COQ8A: variants seen among roughly 807,000 people sequenced by gnomAD.
The protein encoded by COQ8A is coenzyme Q8A.
Under a neutral mutation model 65.0 loss-of-function variants are expected in COQ8A, and 51 were observed. The ratio of observed to expected loss-of-function variants is 0.78; its 90% CI spans 0.63 to 0.99. COQ8A has a LOEUF of 0.99. COQ8A is among the 50% of genes least tolerant of loss of function. The pLI is 0.00. For missense variants in COQ8A, 940 were observed against 875.0 expected, an observed-to-expected ratio of 1.07 and a Z score of -0.94; for synonymous variants, 371 against 353.2, an observed-to-expected ratio of 1.05 and a Z score of -0.57.
rs771129469 is a variant in COQ8A at position 226,983,610 on chromosome 1, A to G, written c.1139A>G (p.Asn380Ser). The G allele has an allele frequency of 3.1e-6, 5 of 1,613,998 alleles. No homozygotes were observed. Among genetic ancestry groups the G allele is most frequent in the Non-Finnish European group, 4.2e-6 (5 of 1,180,010 alleles). The change falls in exon 9 of 15, where the codon AAC (asparagine) becomes AGC (serine). Residue 380 changes from asparagine to serine, a missense_variant. By Grantham distance (46) the Asn-to-Ser change is conservative. Transcript: ENST00000366777. ...GTCAACAACCTCATGGCCGTGTTGA[A>G]CATGAGCAACATGCTTCCAGAAGGT... is the stretch of plus-strand genomic sequence containing the variant. Reference protein sequence around the residue: ...SDVNNLMAVLNMSNMLPEGLF... With the variant: ...SDVNNLMAVLSMSNMLPEGLF...
intron 4 of COQ8A, 66 bp from the exon 5 acceptor site, chr1:226,977,383 T>C: frequency 1.3e-6 from 2 of 1,484,598 alleles, no homozygotes; most frequent in Non-Finnish European, 1.8e-6. Context: ...CCAGGCCTTG[T>C]GGGTGGGCGA....
intron 11 of COQ8A, 148 bp downstream of exon 11, chr1:226,984,383 G>A: frequency 7.4e-7 from 1 of 1,353,018 alleles, no homozygotes. Flanking sequence ...GACTTAGGGG[G>A]ACACAGGGGA....
chr1:226,967,465 C>T (rs1658637084), intron 4 of COQ8A, among the ~76,000 whole-genome samples: 1 of 152,140 alleles, frequency 6.6e-6, no homozygotes, highest in African/African-American at 2.4e-5. Context: ...AGCGGTAGAG[C>T]TAATGCAGGC....
intron 2 of COQ8A, among the ~76,000 whole-genome samples, chr1:226,963,989 G>T (rs1658406848): frequency 6.6e-6 from 1 of 152,170 alleles, no homozygotes. Context: ...GTCATTTGCT[G>T]CCTGGTGACC....
In COQ8A at chr1:226,982,931, A is replaced by G; in HGVS notation, c.977A>G (p.Asp326Gly). The change falls in exon 8 of 15, where the codon GAC becomes GGC. Residue 326 changes from aspartate to glycine, a missense_variant. Physicochemically the swap from Asp to Gly is moderately conservative, Grantham distance 94. Coordinates refer to ENST00000366777, the MANE Select transcript of COQ8A (RefSeq NM_020247.5). ...LNNDLGPNWR[D>G]KLEYFEERPF... ...AACGACCTGGGCCCCAACTGGCGGGACAAGTTGGAATACTTCGAGGAGCGG... is the reference window on the plus strand; with the variant it reads ...AACGACCTGGGCCCCAACTGGCGGGGCAAGTTGGAATACTTCGAGGAGCGG... The G allele has an allele frequency of 1.2e-6, 2 of 1,612,026 alleles. No homozygotes were observed. Among genetic ancestry groups the G allele is most frequent in the Non-Finnish European group, 1.7e-6 (2 of 1,179,538 alleles).
At chr1:226,973,092 T>C (rs1658990885) in intron 4 of COQ8A, among the ~76,000 whole-genome samples, 1 of 152,162 alleles carries the variant, frequency 6.6e-6, no homozygotes, top group Non-Finnish European at 1.5e-5. Flanking sequence ...GATGCCCCTT[T>C]GTTGACAGGG....
intron 1 of COQ8A, among the ~76,000 whole-genome samples, chr1:226,941,034 A>G (rs1223720362): frequency 6.6e-6 from 1 of 152,152 alleles, no homozygotes; most frequent in African/African-American, 2.4e-5. Context: ...TTACTCCCCT[A>G]AACTCGAACC....
intron 4 of COQ8A, among the ~76,000 whole-genome samples, chr1:226,970,311 A>T (rs1340047766): frequency 6.6e-6 from 1 of 152,206 alleles, no homozygotes; most frequent in Non-Finnish European, 1.5e-5. Context: ...CAGTTTCATC[A>T]TTGTGTGAAC....
intron 1 of COQ8A, among the ~76,000 whole-genome samples, chr1:226,951,235 A>G (rs1657359919): frequency 6.6e-6 from 1 of 152,198 alleles, no homozygotes; most frequent in African/African-American, 2.4e-5. Context: ...AGGCTGAGAA[A>G]GTGGAGGGAT....
In COQ8A at chr1:226,984,668, G is replaced by T; in HGVS notation, c.1506+13G>T. ...CCAGCAGCACAAGGTGAGCCCCAGG[G>T]TGGGGGCACCCGCAGCCAGGCCTGA... On this transcript the variant is annotated intron_variant, in intron 12 of 14. Transcript: ENST00000366777. 1 of 1,610,466 alleles carries T rather than the reference G, an allele frequency of 6.2e-7. No individual in the cohort carries two copies. The highest frequency in any genetic ancestry group is 8.5e-7 in the Non-Finnish European group (1 of 1,176,584).
chr1:226,979,886 TTCCCCTACTG>T (rs1408538554), intron 5 of COQ8A, among the ~76,000 whole-genome samples: 3 of 152,212 alleles, frequency 2.0e-5, no homozygotes, highest in Non-Finnish European at 2.9e-5. Flanking sequence ...GAAGCCAGCC[TTCCCCTACTG>T]TCCCCTACTG....
At chr1:226,977,339 C>T in intron 4 of COQ8A, 110 bp from the exon 5 acceptor site, 1 of 985,044 alleles carries the variant, frequency 1.0e-6, no homozygotes, top group Non-Finnish European at 1.5e-6. Context: ...GCAGCGAGGG[C>T]CCCTGGTGCA....
chr1:226,962,218 GC>G (rs1558188972), intron 2 of COQ8A, among the ~76,000 whole-genome samples: 1 of 152,150 alleles, frequency 6.6e-6, no homozygotes, highest in Non-Finnish European at 1.5e-5. Context: ...CTGACTGGGG[GC>G]CCTCCTTTCC....
chr1:226,978,150 C>T (rs1659375673), intron 5 of COQ8A, among the ~76,000 whole-genome samples: 2 of 150,308 alleles, frequency 1.3e-5, no homozygotes, highest in African/African-American at 4.9e-5. Context: ...CACATCTTAC[C>T]CTCCACACAC....
In COQ8A at chr1:226,983,122, C is replaced by T. The variant is rs2297414; in HGVS notation, c.1080+88C>T. ...GGCTCATGGAGGCCTCTACACCCCA[C>T]GTCCCGCAGGGCACCCTCTCTCCTG... On this transcript the variant is annotated intron_variant, in intron 8 of 14. Transcript: ENST00000366777. The T allele has an allele frequency of 7.8e-5, 116 of 1,493,998 alleles. 2 individuals carry two copies. Among genetic ancestry groups the T allele is most frequent in the East Asian group, 7.4e-4 (30 of 40,456 alleles). The allele number at this position is 1,493,998 out of a possible 1,614,324, so 92.5% of individuals were successfully genotyped here. A position where few individuals can be genotyped will look rare whatever the true frequency, so the allele number is the denominator to read the frequency against.
At chr1:226,984,346 T>G (rs1487017051) in intron 11 of COQ8A, 111 bp downstream of exon 11, 3 of 1,507,114 alleles carry the variant, frequency 2.0e-6, no homozygotes, top group Non-Finnish European at 2.7e-6. Context: ...TCCCTGGGGG[T>G]GAGGGGCAGT....
intron 2 of COQ8A, among the ~76,000 whole-genome samples, chr1:226,964,471 G>A (rs1291829173): frequency 6.6e-6 from 1 of 152,158 alleles, no homozygotes; most frequent in African/African-American, 2.4e-5. Flanking sequence ...GGCCAGGCCT[G>A]GTCCTGGTTG....
chr1:226,975,958 A>G (rs1224200462), intron 4 of COQ8A, among the ~76,000 whole-genome samples: 2 of 152,212 alleles, frequency 1.3e-5, no homozygotes, highest in Non-Finnish European at 2.9e-5. Flanking sequence ...GAATTTGGAA[A>G]CATGCAAGCA....
rs1426470032 is a variant in COQ8A at position 226,965,237 on chromosome 1, G to T, written c.415G>T (p.Gly139Cys). 6.2e-7 allele frequency: 1 copy of T among 1,613,920 alleles called. No homozygotes were observed. The highest frequency in any genetic ancestry group is 1.7e-5 in the Admixed American group (1 of 60,002). Residue 139 changes from glycine (G) to cysteine (C), a missense_variant, in exon 3 of 15, where the codon GGC becomes TGC. Coordinates refer to ENST00000366777, the MANE Select transcript of COQ8A (RefSeq NM_020247.5). Reference protein sequence around the residue: ...GFPGQASSPLGRANGRLFANP... With the variant: ...GFPGQASSPLCRANGRLFANP... ...CCCCGGCCAGGCCTCCTCCCCTCTG[G>T]GCAGGGCCAACGGGAGGCTCTTTGC...
Sources: allele counts gnomAD v4.1 joint callset (sites outside exome capture counted in the v4.1 genomes callset), GRCh38; gene constraint gnomAD v4.1.1; transcripts MANE v1.5; gene names NCBI Gene and HGNC (gene_info 2026-07-23, HGNC 2026-07-21).